The following CACNG2 variants were observed in gnomAD, a reference collection of about 807,000 sequenced individuals.
The protein encoded by CACNG2 is calcium voltage-gated channel auxiliary subunit gamma 2.
A neutral mutation model predicts 25.9 loss-of-function variants in CACNG2; 3 were observed. The ratio of observed to expected loss-of-function variants is 0.12; its 90% CI spans 0.05 to 0.30. CACNG2 has a LOEUF of 0.30. Among genes scored for constraint, CACNG2 ranks in the 10% least tolerant of loss-of-function variants. The pLI, the probability that CACNG2 is intolerant of heterozygous loss-of-function variation, is 1.00. For missense variants in CACNG2, 341 were observed against 432.5 expected (o/e 0.79, Z 1.88); for synonymous variants, 167 against 173.3 (o/e 0.96, Z 0.29).
chr22:36,620,105 C>G (rs957362451), intron 1 of CACNG2, among the ~76,000 whole-genome samples: 1 of 152,236 alleles, frequency 6.6e-6, no homozygotes, highest in African/African-American at 2.4e-5. Context: ...CACACACACA[C>G]AGTGCCTGGA....
intron 1 of CACNG2, among the ~76,000 whole-genome samples, chr22:36,653,260 G>T (rs1210606073): frequency 6.6e-6 from 1 of 152,180 alleles, no homozygotes; most frequent in Non-Finnish European, 1.5e-5. Flanking sequence ...GGAGGTGGAG[G>T]TTGCAGTGAA....
intron 2 of CACNG2, among the ~76,000 whole-genome samples, chr22:36,577,217 C>T (rs564428808): frequency 1.3e-5 from 2 of 152,316 alleles, no homozygotes; most frequent in South Asian, 4.1e-4. Flanking sequence ...ACCAGCAAAT[C>T]GTGCTCATCA....
In CACNG2 at chr22:36,606,680, G is replaced by A. The variant is rs546910001; in HGVS notation, c.212-19132C>T. On this transcript the variant is annotated intron_variant, in intron 1 of 3. Coordinates refer to ENST00000300105, the MANE Select transcript of CACNG2 (RefSeq NM_006078.5). This position sits in a 1 kb window ranked among gnomAD's most constrained non-coding sequence, Gnocchi z 5.7. The stretch of plus-strand genomic sequence containing the variant: ...AGGTGTTTGAGAGAAGAGCAAGTGA[G>A]GGCCAACCAGAGAGAGGACAGGATG... Among the ~76,000 whole-genome samples the A allele has an allele frequency of 3.2e-4, 49 of 152,228 alleles. No homozygotes were observed. Among genetic ancestry groups the A allele is most frequent in the African/African-American group, 1.2e-3 (48 of 41,546 alleles).
intron 1 of CACNG2, among the ~76,000 whole-genome samples, chr22:36,671,473 G>A (rs1443124201): frequency 6.6e-6 from 1 of 152,174 alleles, no homozygotes; most frequent in Non-Finnish European, 1.5e-5. Context: ...TGTGCTTGAT[G>A]AGGGCTGTGA....
chr22:36,615,682 C>T (rs985035780), intron 1 of CACNG2, among the ~76,000 whole-genome samples: 14 of 152,182 alleles, frequency 9.2e-5, no homozygotes, highest in African/African-American at 2.9e-4. Context: ...GGACGATCCA[C>T]GAGGGCGGGG....
At chr22:36,574,095 T>A (rs1360415104) in intron 2 of CACNG2, among the ~76,000 whole-genome samples, 1 of 151,944 alleles carries the variant, frequency 6.6e-6, no homozygotes, top group African/African-American at 2.4e-5. Flanking sequence ...TGGGGCCTCA[T>A]GAGTTGAGCT....
At chr22:36,594,846 A>ATG (rs1179372553) in intron 1 of CACNG2, among the ~76,000 whole-genome samples, 18 of 120,824 alleles carry the variant, frequency 1.5e-4, no homozygotes, top group East Asian at 5.0e-4. Flanking sequence ...GTGTGTGTGC[A>ATG]TGTGTGTGTG....
chr22:36,669,795 C>T (rs931477299), intron 1 of CACNG2, among the ~76,000 whole-genome samples: 1 of 152,088 alleles, frequency 6.6e-6, no homozygotes, highest in African/African-American at 2.4e-5. Context: ...TCACTGCAAC[C>T]TCCGCCTCCC....
In CACNG2 at chr22:36,702,332, G is replaced by A. The variant is rs749927316; in HGVS notation, c.211+34C>T. 8 of 1,423,556 alleles carry A rather than the reference G, an allele frequency of 5.6e-6. No homozygotes were observed. The South Asian group carries it at 5.8e-5, about 10-fold the overall frequency. 88.2% of individuals were successfully genotyped at this position (1,423,556 alleles called of 1,614,324 possible). ...GGGGGAGTGAAAGGGGAGGGGTGGG[G>A]TGGAGAGGGGGGAGGAGATGGGAAG... On this transcript the variant is annotated intron_variant, in intron 1 of 3. Coordinates refer to ENST00000300105, the MANE Select transcript of CACNG2 (RefSeq NM_006078.5).
intron 1 of CACNG2, among the ~76,000 whole-genome samples, chr22:36,662,754 A>G (rs1219341007): frequency 1.3e-5 from 2 of 152,130 alleles, no homozygotes; most frequent in Non-Finnish European, 2.9e-5. Flanking sequence ...GGCACCGTGC[A>G]TGCCCCTTAC....
intron 3 of CACNG2, among the ~76,000 whole-genome samples, chr22:36,565,090 C>G (rs1935104060): frequency 6.6e-6 from 1 of 152,178 alleles, no homozygotes; most frequent in Non-Finnish European, 1.5e-5. Context: ...GAGAGAGCCA[C>G]AAGGGAAGCG....
intron 1 of CACNG2, among the ~76,000 whole-genome samples, chr22:36,594,714 T>C (rs2145927269): frequency 6.6e-6 from 1 of 151,958 alleles, no homozygotes; most frequent in South Asian, 2.1e-4. Flanking sequence ...TGTGTGTGTG[T>C]GCATGTGTGT....
chr22:36,603,898 C>A (rs755522416), intron 1 of CACNG2, among the ~76,000 whole-genome samples: 16 of 152,130 alleles, frequency 1.1e-4, no homozygotes, highest in Non-Finnish European at 2.1e-4. Context: ...TATTTTGCAG[C>A]CCATGGATCA....
At chr22:36,579,988 G>A (rs988996570) in intron 2 of CACNG2, among the ~76,000 whole-genome samples, 9 of 152,226 alleles carry the variant, frequency 5.9e-5, no homozygotes, top group South Asian at 4.1e-4. Context: ...AGCATGGATC[G>A]TGGCAATCGC....
intron 1 of CACNG2, among the ~76,000 whole-genome samples, chr22:36,648,432 T>C (rs1284388035): frequency 6.6e-6 from 1 of 152,172 alleles, no homozygotes; most frequent in Non-Finnish European, 1.5e-5. Flanking sequence ...TAAACGACCC[T>C]CTCTTGCTAG....
chr22:36,607,031 G>C (rs1289274112), intron 1 of CACNG2, among the ~76,000 whole-genome samples: 2 of 151,624 alleles, frequency 1.3e-5, no homozygotes, highest in Non-Finnish European at 2.9e-5. Flanking sequence ...GTATATGTGT[G>C]AACTTACGAG....
Position 36,694,202 on chromosome 22 carries a change from C to T in CACNG2, c.211+8164G>A, listed in dbSNP as rs188547279. 4.5e-3 allele frequency among the ~76,000 whole-genome samples: 682 copies of T among 152,214 alleles called. 4 individuals carry two copies. The highest frequency in any genetic ancestry group is 0.032 in the East Asian group (167 of 5,182). Reference sequence around the variant, plus strand: ...ACCGTCTTCTTTTGATTCTAAGGCTCGTATTTTAAGTTGCAAGATTTTTGA... The same window carrying T: ...ACCGTCTTCTTTTGATTCTAAGGCTTGTATTTTAAGTTGCAAGATTTTTGA... On this transcript the variant is annotated intron_variant, in intron 1 of 3. Transcript: ENST00000300105.
intron 2 of CACNG2, among the ~76,000 whole-genome samples, chr22:36,575,966 G>T (rs1935305667): frequency 6.6e-6 from 1 of 152,228 alleles, no homozygotes; most frequent in African/African-American, 2.4e-5. Flanking sequence ...CTGCTGGGTT[G>T]CAAGGAGCTT....
chr22:36,618,663 A>G (rs1936061194), intron 1 of CACNG2, among the ~76,000 whole-genome samples: 1 of 152,206 alleles, frequency 6.6e-6, no homozygotes, highest in Admixed American at 6.5e-5. Context: ...GGCTCCACCT[A>G]TAATCCCAGC....
Sources: allele counts gnomAD v4.1 joint callset (sites outside exome capture counted in the v4.1 genomes callset), GRCh38; gene constraint gnomAD v4.1.1; non-coding constraint Gnocchi (gnomAD v3.1); transcripts MANE v1.5; gene names NCBI Gene and HGNC (gene_info 2026-07-23, HGNC 2026-07-21).